The following ST8SIA1 variants were observed in gnomAD, a reference collection of about 807,000 sequenced individuals.
ST8SIA1 encodes alpha-N-acetylneuraminide alpha-2,8-sialyltransferase.
Under a neutral mutation model 35.9 loss-of-function variants are expected in ST8SIA1, and 16 were observed. The observed-to-expected ratio is 0.45, with a 90% CI of 0.30 to 0.68. The LOEUF is 0.68. ST8SIA1 is among the 30% of genes least tolerant of loss of function. The pLI is 0.09. For synonymous variants in ST8SIA1, 170 were observed against 169.6 expected (o/e 1.00, Z -0.02); for missense variants, 383 against 453.6 (o/e 0.84, Z 1.41).
chr12:22,291,202 C>CT (rs1866171409), intron 1 of ST8SIA1, among the ~76,000 whole-genome samples: 1 of 152,178 alleles, frequency 6.6e-6, no homozygotes, highest in Admixed American at 6.5e-5. Context: ...ACTGAGGACA[C>CT]TTAACAGGCA....
At position 22,287,803 on chromosome 12, in the gene ST8SIA1, G is replaced by A. The variant is rs146546431; in HGVS notation, c.237-510C>T. Among the ~76,000 whole-genome samples the A allele has an allele frequency of 1.6e-3, 244 of 152,328 alleles. 1 individual carries two copies. The highest frequency in any genetic ancestry group is 5.4e-3 in the African/African-American group (223 of 41,576). ...AGAGAGTGCACTCCCCAAAACTGGTGACAAGATAGAGAACAATCCCTTGAA... is the reference window on the plus strand; with the variant it reads ...AGAGAGTGCACTCCCCAAAACTGGTAACAAGATAGAGAACAATCCCTTGAA... On this transcript the variant is annotated intron_variant, in intron 1 of 4. Transcript: ENST00000396037.
intron 1 of ST8SIA1, among the ~76,000 whole-genome samples, chr12:22,329,282 C>G (rs1866726386): frequency 6.6e-6 from 1 of 152,072 alleles, no homozygotes; most frequent in Non-Finnish European, 1.5e-5. Flanking sequence ...ATGGATCTGT[C>G]TAAACCTCCA....
chr12:22,221,101 C>G (rs1364485949), intron 4 of ST8SIA1, among the ~76,000 whole-genome samples: 1 of 152,154 alleles, frequency 6.6e-6, no homozygotes, highest in Admixed American at 6.6e-5. Context: ...TCTCCTAGCA[C>G]CAAGATGGCT....
intron 2 of ST8SIA1, among the ~76,000 whole-genome samples, chr12:22,282,371 G>A (rs1156924141): frequency 2.6e-5 from 4 of 152,284 alleles, no homozygotes; most frequent in South Asian, 2.1e-4. Flanking sequence ...GAGGCAGCCC[G>A]TATAGTTGAC....
rs1158921974 is a variant in ST8SIA1 at position 22,316,755 on chromosome 12, T to C, written c.236+17242A>G. 2.0e-5 allele frequency among the ~76,000 whole-genome samples: 3 copies of C among 152,004 alleles called. 1 individual carries two copies. Among genetic ancestry groups the C allele is most frequent in the East Asian group, 3.9e-4 (2 of 5,190 alleles). Reference sequence around the variant, plus strand: ...CCCTTAACAAATAAAGAACACTTAGTATCAAAAAAGAAAAGATGAACCACC... The same window carrying C: ...CCCTTAACAAATAAAGAACACTTAGCATCAAAAAAGAAAAGATGAACCACC... On this transcript the variant is annotated intron_variant, in intron 1 of 4. Coordinates refer to ENST00000396037, the MANE Select transcript of ST8SIA1 (RefSeq NM_003034.4).
intron 2 of ST8SIA1, among the ~76,000 whole-genome samples, chr12:22,285,871 C>CAAAAAAAAAAAAAA (rs1264234503): frequency 5.3e-5 from 5 of 94,950 alleles, no homozygotes; most frequent in African/African-American, 9.2e-5. Flanking sequence ...AAGACTCTGT[C>CAAAAAAAAAAAAAA]AAAAACAAAA....
At chr12:22,286,388 T>C (rs3819878) in intron 2 of ST8SIA1, 111,945 of 510,898 alleles carry the variant, frequency 0.22, 12,506 homozygotes, top group Middle Eastern at 0.3. Flanking sequence ...TTCTAAGGCT[T>C]AAAAATTCTC....
chr12:22,296,809 A>G (rs1181219014), intron 1 of ST8SIA1, among the ~76,000 whole-genome samples: 1 of 152,130 alleles, frequency 6.6e-6, no homozygotes, highest in Non-Finnish European at 1.5e-5. Context: ...ACTCAGAGAG[A>G]GGCAGTAGTT....
rs757262013 is a variant in ST8SIA1, at chr12:22,333,982, C to T, written c.236+15G>A. On this transcript the variant is annotated intron_variant, in intron 1 of 4. Coordinates refer to ENST00000396037, the MANE Select transcript of ST8SIA1 (RefSeq NM_003034.4). Reference sequence around the variant, plus strand: ...AAAGGACGCTAGAGGGGAGGAGCCGCGAGGGCAGGAGTACCTGAACGCTCT... The same window carrying T: ...AAAGGACGCTAGAGGGGAGGAGCCGTGAGGGCAGGAGTACCTGAACGCTCT... 8 of 1,611,332 alleles carry T rather than the reference C, an allele frequency of 5.0e-6. No homozygotes were observed. Among genetic ancestry groups the T allele is most frequent in the Middle Eastern group, 1.7e-4 (1 of 6,054 alleles).
At position 22,325,398 on chromosome 12, in the gene ST8SIA1, AC is replaced by A. The variant is rs1335413286; in HGVS notation, c.236+8598del. On this transcript the variant is annotated intron_variant, in intron 1 of 4. Transcript: ENST00000396037. Reference sequence around the variant, plus strand: ...GAATTCATTTCCACTTCCTCCTGGCACCTAATTAGAGCGACACAGCTCTTAC... The same window carrying A: ...GAATTCATTTCCACTTCCTCCTGGCACTAATTAGAGCGACACAGCTCTTAC... 1.0e-5 allele frequency: 7 copies of A among 700,040 alleles called. No individual in the cohort carries two copies. The African/African-American group carries it at 1.0e-4, about 10-fold the overall frequency. 43.4% of individuals were successfully genotyped at this position (700,040 alleles called of 1,614,324 possible).
intron 4 of ST8SIA1, among the ~76,000 whole-genome samples, chr12:22,226,634 C>A (rs1354233833): frequency 1.3e-5 from 2 of 151,224 alleles, no homozygotes; most frequent in Non-Finnish European, 2.9e-5. Context: ...TCATTATATT[C>A]ATCTCTCTGA....
At chr12:22,273,114 G>A (rs1388959739) in intron 2 of ST8SIA1, among the ~76,000 whole-genome samples, 1 of 152,118 alleles carries the variant, frequency 6.6e-6, no homozygotes, top group African/African-American at 2.4e-5. Flanking sequence ...GCAGACAAAT[G>A]CCTAGATAGA....
chr12:22,211,838 A>C (rs1230842538), intron 4 of ST8SIA1, among the ~76,000 whole-genome samples: 1 of 152,082 alleles, frequency 6.6e-6, no homozygotes, highest in African/African-American at 2.4e-5. Flanking sequence ...CAGCCTCCCG[A>C]GTAGCTGGGA....
chr12:22,291,037 C>G (rs959112897), intron 1 of ST8SIA1, among the ~76,000 whole-genome samples: 10 of 152,128 alleles, frequency 6.6e-5, no homozygotes, highest in Admixed American at 2.6e-4. Context: ...GCTAATGACG[C>G]TATAACCGCA....
chr12:22,287,840 T>A (rs934223251), intron 1 of ST8SIA1, among the ~76,000 whole-genome samples: 3 of 152,052 alleles, frequency 2.0e-5, no homozygotes, highest in African/African-American at 7.2e-5. Context: ...ATCTTTTGAG[T>A]AGAAATAGAA....
chr12:22,285,877 C>CAAAAAAAACAAAAAAAACAAAAAA (rs67273710), intron 2 of ST8SIA1, among the ~76,000 whole-genome samples: 1 of 103,628 alleles, frequency 9.6e-6, no homozygotes, highest in Non-Finnish European at 1.9e-5. Context: ...CTGTCAAAAA[C>CAAAAAAAACAAAAAAAACAAAAAA]AAAAAAAAAA....
At chr12:22,288,250 C>T (rs894275552) in intron 1 of ST8SIA1, among the ~76,000 whole-genome samples, 1 of 152,198 alleles carries the variant, frequency 6.6e-6, no homozygotes. Context: ...TTCTGAATGA[C>T]CTCACCCAGA....
intron 1 of ST8SIA1, among the ~76,000 whole-genome samples, chr12:22,299,559 GATTT>G (rs1866292590): frequency 6.6e-6 from 1 of 151,970 alleles, no homozygotes; most frequent in African/African-American, 2.4e-5. Context: ...CCAATAAGAT[GATTT>G]ATTAAAAAAA....
At chr12:22,294,802 C>T (rs1397113988) in intron 1 of ST8SIA1, among the ~76,000 whole-genome samples, 1 of 152,038 alleles carries the variant, frequency 6.6e-6, no homozygotes, top group Non-Finnish European at 1.5e-5. Context: ...TGAACAAGTA[C>T]ACAAAATTAT....
Sources: allele counts gnomAD v4.1 joint callset (sites outside exome capture counted in the v4.1 genomes callset), GRCh38; gene constraint gnomAD v4.1.1; transcripts MANE v1.5; gene names NCBI Gene and HGNC (gene_info 2026-07-23, HGNC 2026-07-21).